DYDC2: variants seen among roughly 807,000 people sequenced by gnomAD.
DYDC2 encodes the protein DPY30 domain-containing protein 2.
In DYDC2, 19 loss-of-function variants were observed where a neutral mutation model predicts 18.7. That is an observed-to-expected ratio of 1.02 (90% CI 0.71 to 1.49). The LOEUF (loss-of-function observed/expected upper bound fraction) is 1.49. DYDC2 is among the 40% of genes most tolerant of loss of function. The pLI, the probability that DYDC2 is intolerant of heterozygous loss-of-function variation, is 0.00. For synonymous variants in DYDC2, 63 were observed against 67.6 expected, an observed-to-expected ratio of 0.93 and a Z score of 0.34; for missense variants, 179 against 205.1, an observed-to-expected ratio of 0.87 and a Z score of 0.78.
At chr10:80,353,626 C>T (rs913103772), upstream of DYDC2, among the ~76,000 whole-genome samples, 17 of 149,918 alleles carry the variant, frequency 1.1e-4, no homozygotes, top group South Asian at 1.1e-3. Flanking sequence ...CCGAGGCGGG[C>T]GGATCACAAG....
chr10:80,362,837 G>A, intron 3 of DYDC2, 114 bp from the exon 4 acceptor site: 1 of 1,407,760 alleles, frequency 7.1e-7, no homozygotes, highest in Middle Eastern at 2.0e-4. Flanking sequence ...AGTTACAAGA[G>A]GAAACTCAAC....
intron 3 of DYDC2, 119 bp from the exon 4 acceptor site, chr10:80,362,832 C>T (rs1843705349): frequency 8.0e-6 from 11 of 1,381,822 alleles, no homozygotes; most frequent in Admixed American, 2.4e-5. Flanking sequence ...AAGCTAGTTA[C>T]AAGAGGAAAC....
At chr10:80,355,621 G>T (rs1003183365), upstream of DYDC2, among the ~76,000 whole-genome samples, 1 of 152,130 alleles carries the variant, frequency 6.6e-6, no homozygotes, top group East Asian at 1.9e-4. Context: ...CAACACAATG[G>T]ATTATTATGC....
intron 4 of DYDC2, among the ~76,000 whole-genome samples, chr10:80,364,870 T>C (rs1208231366): frequency 3.3e-5 from 5 of 152,244 alleles, no homozygotes; most frequent in African/African-American, 1.2e-4. Flanking sequence ...CATTAAGATG[T>C]GAGTTACTCT....
intron 2 of DYDC2, among the ~76,000 whole-genome samples, chr10:80,358,620 C>T (rs747794445): frequency 5.9e-5 from 9 of 152,154 alleles, no homozygotes; most frequent in Non-Finnish European, 1.0e-4. Flanking sequence ...GTGATTCTGC[C>T]TTCGGGGAAG....
At chr10:80,352,650 C>T (rs1338989352), upstream of DYDC2, 6 of 1,568,320 alleles carry the variant, frequency 3.8e-6, no homozygotes, top group South Asian at 1.2e-5. Flanking sequence ...AGGATATTTT[C>T]AATAAAGTCA....
At chr10:80,362,702 G>A in intron 3 of DYDC2, 112 bp downstream of exon 3, 3 of 1,480,212 alleles carry the variant, frequency 2.0e-6, no homozygotes, top group East Asian at 4.6e-5. Flanking sequence ...TGGTTTATTT[G>A]ACTTGCTCTT....
intron 1 of DYDC2, among the ~76,000 whole-genome samples, chr10:80,351,441 T>G (rs1010077898): frequency 7.9e-5 from 12 of 152,146 alleles, no homozygotes; most frequent in Non-Finnish European, 1.8e-4. Context: ...AAAATCTCCT[T>G]GAAAGCATTG....
chr10:80,359,004 T>C (rs1021322005), intron 2 of DYDC2, among the ~76,000 whole-genome samples: 2 of 152,176 alleles, frequency 1.3e-5, no homozygotes, highest in Non-Finnish European at 2.9e-5. Flanking sequence ...CAGCAAGATT[T>C]ACTACAAAGA....
intron 1 of DYDC2, among the ~76,000 whole-genome samples, chr10:80,349,346 A>G (rs974275293): frequency 2.6e-5 from 4 of 152,268 alleles, no homozygotes; most frequent in Admixed American, 1.3e-4. Context: ...TTTGAATTTC[A>G]TCAATAAAAC....
upstream of DYDC2, chr10:80,356,409 CAGGGGT>C: frequency 1.0e-6 from 1 of 985,612 alleles, no homozygotes; most frequent in Non-Finnish European, 1.2e-6. Flanking sequence ...GGCACCCGGG[CAGGGGT>C]GCCAGATACA....
At chr10:80,353,213 C>T (rs1843108661), upstream of DYDC2, among the ~76,000 whole-genome samples, 1 of 151,982 alleles carries the variant, frequency 6.6e-6, no homozygotes, top group South Asian at 2.1e-4. Context: ...CAAATAATAA[C>T]ATATGAAGCT....
At chr10:80,351,704 T>C (rs11202652) in intron 1 of DYDC2, among the ~76,000 whole-genome samples, 1 of 152,032 alleles carries the variant, frequency 6.6e-6, no homozygotes, top group South Asian at 2.1e-4. Context: ...TGTATATGTG[T>C]ATACAAGAAT....
chr10:80,349,154 G>T (rs1191233682), intron 1 of DYDC2, among the ~76,000 whole-genome samples: 1 of 152,184 alleles, frequency 6.6e-6, no homozygotes, highest in East Asian at 1.9e-4. Context: ...GCCTCCCAAA[G>T]TGCTGGGATT....
intron 1 of DYDC2, among the ~76,000 whole-genome samples, chr10:80,345,302 G>A (rs925742727): frequency 1.3e-5 from 2 of 152,080 alleles, no homozygotes; most frequent in Admixed American, 1.3e-4. Context: ...TGAGCTCAGG[G>A]TCAAGATTTA....
upstream of DYDC2, among the ~76,000 whole-genome samples, chr10:80,353,585 C>T (rs1302398679): frequency 1.3e-5 from 2 of 151,722 alleles, no homozygotes; most frequent in East Asian, 2.0e-4. Context: ...GGCACAGTGG[C>T]TCACGCCTGT....
At chr10:80,353,919 C>A (rs1396135450), upstream of DYDC2, among the ~76,000 whole-genome samples, 1 of 152,020 alleles carries the variant, frequency 6.6e-6, no homozygotes, top group African/African-American at 2.4e-5. Flanking sequence ...CCTTGGAGCC[C>A]TTTTGGAAAC....
upstream of DYDC2, among the ~76,000 whole-genome samples, chr10:80,353,318 G>A (rs1245197585): frequency 1.3e-5 from 2 of 151,794 alleles, no homozygotes; most frequent in African/African-American, 4.8e-5. Context: ...CCATGGACAT[G>A]TCTGGCTAAT....
rs763892300 is a variant in DYDC2 at position 80,363,122 on chromosome 10, G to GCC, written c.270+49_270+50insCC. The GCC allele has an allele frequency of 4.9e-3, 7,769 of 1,579,150 alleles. 309 individuals carry two copies. In the African/African-American group the frequency reaches 0.088, roughly 18 times the overall value. ...GGTTGCCACACACATCCCAGTGATG[G>GCC]ACTCCAGGAAAGCCACAAGTCAGCC... On this transcript the variant is annotated intron_variant, in intron 4 of 4. Transcript: ENST00000256039.
Sources: gnomAD v4.1 joint callset for allele counts (sites outside exome capture counted in the v4.1 genomes callset) on GRCh38, gnomAD v4.1.1 for gene constraint, MANE v1.5 for transcripts, NCBI Gene and HGNC (gene_info 2026-07-23, HGNC 2026-07-21) for gene names.